The following EYS variants were observed in gnomAD, a reference collection of about 807,000 sequenced individuals.
EYS encodes protein eyes shut homolog.
A neutral mutation model predicts 282.1 loss-of-function variants in EYS; 250 were observed. The observed-to-expected ratio is 0.89, with a 90% CI of 0.80 to 0.98. The LOEUF is 0.98. EYS is among the 50% of genes least tolerant of loss of function. The pLI, the probability that EYS is intolerant of heterozygous loss-of-function variation, is 0.00. For synonymous variants in EYS, 1,355 were observed against 1,282.9 expected, an observed-to-expected ratio of 1.06 and a Z score of -1.20; for missense variants, 4,016 against 3,709.0, an observed-to-expected ratio of 1.08 and a Z score of -2.15.
intron 30 of EYS, among the ~76,000 whole-genome samples, chr6:64,296,491 A>G (rs1180426574): frequency 1.3e-5 from 2 of 149,668 alleles, no homozygotes; most frequent in African/African-American, 2.5e-5. Flanking sequence ...GGCAGAGTAG[A>G]GAGCACTAGT....
chr6:64,177,334 G>GTATA (rs58368805), intron 31 of EYS, among the ~76,000 whole-genome samples: 159 of 149,662 alleles, frequency 1.1e-3, no homozygotes, highest in East Asian at 5.7e-3. Context: ...TTCACACACT[G>GTATA]TATATATATA....
chr6:64,217,510 C>T (rs1176201589), intron 31 of EYS, among the ~76,000 whole-genome samples: 2 of 152,078 alleles, frequency 1.3e-5, no homozygotes, highest in Non-Finnish European at 2.9e-5. Context: ...GCCCGAGTGA[C>T]AGAGCAAGAC....
At chr6:64,696,254 G>A (rs1770575004) in intron 22 of EYS, among the ~76,000 whole-genome samples, 1 of 152,058 alleles carries the variant, frequency 6.6e-6, no homozygotes, top group South Asian at 2.1e-4. Context: ...AATAGACCGA[G>A]CACAAGAAAG....
rs1388099819 is a variant in EYS, at chr6:65,410,036, G to A, written c.863-4669C>T. On this transcript the variant is annotated intron_variant, in intron 5 of 42. Transcript: ENST00000503581. The stretch of plus-strand genomic sequence containing the variant: ...CCATGTTATGATACATTAACATAAT[G>A]TTTTCCTTTTAAATAATCAAATATT... Among the ~76,000 whole-genome samples, 6 of 151,842 alleles carry A rather than the reference G, an allele frequency of 4.0e-5. No individual in the cohort carries two copies. In the East Asian group the frequency reaches 1.2e-3, roughly 29 times the overall value.
intron 12 of EYS, among the ~76,000 whole-genome samples, chr6:65,082,731 T>G (rs1298430308): frequency 2.0e-5 from 3 of 151,988 alleles, no homozygotes; most frequent in Non-Finnish European, 4.4e-5. Context: ...TTGAAGCTAT[T>G]CCCCCCATTG....
At chr6:65,073,453 A>G (rs1189547832) in intron 12 of EYS, among the ~76,000 whole-genome samples, 1 of 151,780 alleles carries the variant, frequency 6.6e-6, no homozygotes, top group African/African-American at 2.4e-5. Flanking sequence ...AATAAGCAGC[A>G]GAGATCAATA....
intron 37 of EYS, among the ~76,000 whole-genome samples, chr6:63,792,080 T>C (rs1032069567): frequency 1.3e-5 from 2 of 151,738 alleles, no homozygotes; most frequent in African/African-American, 4.8e-5. Context: ...AGTGGCAGGG[T>C]CAGTCATGGA....
At chr6:64,294,491 G>C (rs530940902) in intron 30 of EYS, among the ~76,000 whole-genome samples, 2 of 152,232 alleles carry the variant, frequency 1.3e-5, no homozygotes, top group South Asian at 4.1e-4. Context: ...ATATAAAATA[G>C]TAAGGTAAGA....
intron 22 of EYS, among the ~76,000 whole-genome samples, chr6:64,756,894 T>TC (rs1445491296): frequency 1.3e-5 from 2 of 152,114 alleles, no homozygotes; most frequent in East Asian, 3.9e-4. Context: ...GCTTTTTTTT[T>TC]TTTTTTAACA....
At position 65,159,738 on chromosome 6, in the gene EYS, A is replaced by G. The variant is rs977669818; in HGVS notation, c.2024-102011T>C. On this transcript the variant is annotated intron_variant, in intron 12 of 42. Transcript: ENST00000503581. ...CACTCATATTAAGTTTTGGTATTGTAGATATCCTGGTTTTGTCAAAGACAG... is the reference window on the plus strand; with the variant it reads ...CACTCATATTAAGTTTTGGTATTGTGGATATCCTGGTTTTGTCAAAGACAG... Among the ~76,000 whole-genome samples, 8 of 151,008 alleles carry G rather than the reference A, an allele frequency of 5.3e-5. No homozygotes were observed. The East Asian group carries it at 1.4e-3, about 26-fold the overall frequency.
chr6:65,340,707 T>C (rs1335710997), intron 10 of EYS, among the ~76,000 whole-genome samples: 1 of 151,212 alleles, frequency 6.6e-6, no homozygotes, highest in East Asian at 1.9e-4. Context: ...CCACAACTTC[T>C]CCCATCTGAT....
chr6:64,972,479 C>T (rs1267683374), intron 14 of EYS, among the ~76,000 whole-genome samples: 1 of 152,094 alleles, frequency 6.6e-6, no homozygotes. Context: ...AAGCCAATCC[C>T]TCCTGTTCCT....
intron 37 of EYS, among the ~76,000 whole-genome samples, chr6:63,792,196 A>G (rs1038542937): frequency 2.6e-5 from 4 of 151,674 alleles, no homozygotes; most frequent in Non-Finnish European, 5.9e-5. Flanking sequence ...GGATGCACCA[A>G]GAGGAGGGGA....
At chr6:63,722,352 C>T (rs576576183) in intron 42 of EYS, among the ~76,000 whole-genome samples, 16 of 151,772 alleles carry the variant, frequency 1.1e-4, no homozygotes, top group African/African-American at 3.9e-4. Context: ...GATCAAGTGT[C>T]ACTTCCTCAG....
At chr6:64,899,942 A>T (rs1454478174) in intron 18 of EYS, among the ~76,000 whole-genome samples, 2 of 152,188 alleles carry the variant, frequency 1.3e-5, no homozygotes, top group East Asian at 3.9e-4. Flanking sequence ...TAAGCAAAGG[A>T]TCAAAGCTGG....
At chr6:64,760,620 T>C (rs1245660548) in intron 22 of EYS, among the ~76,000 whole-genome samples, 1 of 152,172 alleles carries the variant, frequency 6.6e-6, no homozygotes, top group Non-Finnish European at 1.5e-5. Flanking sequence ...TGAGGGCCAA[T>C]GTGCCCTCCC....
At chr6:63,823,192 C>T (rs1771368775) in intron 36 of EYS, among the ~76,000 whole-genome samples, 1 of 152,002 alleles carries the variant, frequency 6.6e-6, no homozygotes. Context: ...TTTTTCTCCC[C>T]CCTACAGGCA....
At chr6:64,268,622 AT>A (rs1159812565) in intron 30 of EYS, among the ~76,000 whole-genome samples, 1 of 152,150 alleles carries the variant, frequency 6.6e-6, no homozygotes, top group Admixed American at 6.6e-5. Flanking sequence ...GAAGATGAAT[AT>A]GCTGGAAGTA....
intron 12 of EYS, among the ~76,000 whole-genome samples, chr6:65,073,991 A>G (rs1213817139): frequency 6.6e-6 from 1 of 152,074 alleles, no homozygotes; most frequent in Non-Finnish European, 1.5e-5. Flanking sequence ...GCCACTGGGC[A>G]CATGGAAGAT....
Sources: gnomAD v4.1 joint callset for allele counts (sites outside exome capture counted in the v4.1 genomes callset) on GRCh38, gnomAD v4.1.1 for gene constraint, MANE v1.5 for transcripts, NCBI Gene and HGNC (gene_info 2026-07-23, HGNC 2026-07-21) for gene names.